Variants in APOBEC3C observed in about 807,000 individuals in gnomAD.
The protein encoded by APOBEC3C is apolipoprotein B mRNA editing enzyme catalytic subunit 3C, also known as DNA dC->dU-editing enzyme APOBEC-3C.
A neutral mutation model predicts 20.6 loss-of-function variants in APOBEC3C; 14 were observed. The observed-to-expected ratio is 0.68, with a 90% CI of 0.45 to 1.06. The LOEUF (loss-of-function observed/expected upper bound fraction) is 1.06. Ranked by LOEUF, APOBEC3C falls within the 50% of genes least tolerant of loss-of-function variation. The pLI is 0.00. For missense variants in APOBEC3C, 244 were observed against 241.9 expected, an observed-to-expected ratio of 1.01 and a Z score of -0.06; for synonymous variants, 98 against 88.8, an observed-to-expected ratio of 1.10 and a Z score of -0.58.
chr22:39,016,346 C>A (rs555112705), intron 2 of APOBEC3C, among the ~76,000 whole-genome samples: 2 of 151,164 alleles, frequency 1.3e-5, no homozygotes, highest in South Asian at 4.2e-4. Flanking sequence ...ACTACAGGCG[C>A]CCACCACCAT....
Position 39,019,926 on chromosome 22 carries a change from C to T in APOBEC3C, c.*1539C>T, listed in dbSNP as rs1329584245. On this transcript the variant is annotated 3_prime_UTR_variant, in exon 4 of 4. Transcript: ENST00000361441. ...GTTTAAGCGATTCTTCTGCTTCAGC[C>T]TCCCGAGTAAAAGGCATGCATCACC... 1.3e-5 allele frequency: 2 copies of T among 148,912 alleles called. No individual in the cohort carries two copies. The highest frequency in any genetic ancestry group is 2.9e-5 in the Non-Finnish European group (2 of 67,928). 9.2% of individuals were successfully genotyped at this position (148,912 alleles called of 1,614,324 possible). A position where few individuals can be genotyped will look rare whatever the true frequency, so the allele number is the denominator to read the frequency against.
At chr22:39,015,475 T>G in intron 1 of APOBEC3C, 120 bp from the exon 2 acceptor site, 2 of 1,156,954 alleles carry the variant, frequency 1.7e-6, no homozygotes, top group Non-Finnish European at 2.5e-6. Flanking sequence ...CTCAGGGCTG[T>G]GGAGGGATGG....
chr22:39,016,381 C>CTTTTTTTTT (rs575173801), intron 2 of APOBEC3C, among the ~76,000 whole-genome samples: 29 of 122,836 alleles, frequency 2.4e-4, no homozygotes, highest in East Asian at 4.6e-4. Context: ...TTCTTTTTTT[C>CTTTTTTTTT]TTTTTTTTTT....
At chr22:39,018,086 C>G (rs1569050415) in intron 3 of APOBEC3C, 41 bp downstream of exon 3, 8 of 1,605,266 alleles carry the variant, frequency 5.0e-6, no homozygotes, top group South Asian at 1.1e-5. Context: ...GCAGGAGGGA[C>G]AGCATGAGGG....
chr22:39,018,705 C>T lies in APOBEC3C; in HGVS notation c.*318C>T, dbSNP rs144230202. ...CTTACTAAACTCATCCTAGGCTGGG[C>T]ATGGTGACTCACGCCTGTAATCCCC... On this transcript the variant is annotated 3_prime_UTR_variant, in exon 4 of 4. Transcript: ENST00000361441. 2.8e-4 allele frequency: 54 copies of T among 194,330 alleles called. No homozygotes were observed. Among genetic ancestry groups the T allele is most frequent in the African/African-American group, 1.3e-3 (53 of 42,230 alleles). 12.0% of individuals were successfully genotyped at this position (194,330 alleles called of 1,614,324 possible).
At chr22:39,017,409 A>G (rs1383517237) in intron 2 of APOBEC3C, among the ~76,000 whole-genome samples, 1 of 152,118 alleles carries the variant, frequency 6.6e-6, no homozygotes, top group Non-Finnish European at 1.5e-5. Flanking sequence ...AGGGTGAGGC[A>G]GGAGGATCGC....
At chr22:39,016,092 G>A (rs1427546624) in intron 2 of APOBEC3C, among the ~76,000 whole-genome samples, 1 of 151,808 alleles carries the variant, frequency 6.6e-6, no homozygotes, top group East Asian at 1.9e-4. Context: ...TGGCCAGGCT[G>A]GTTTCGAACT....
At chr22:39,014,907 C>T (rs1029761131) in intron 1 of APOBEC3C, among the ~76,000 whole-genome samples, 2 of 152,136 alleles carry the variant, frequency 1.3e-5, no homozygotes, top group African/African-American at 2.4e-5. Context: ...ATGCACACGA[C>T]CCCAGACACA....
At position 39,019,338 on chromosome 22, in the gene APOBEC3C, GC is replaced by G. The variant is rs1332569597; in HGVS notation, c.*954del. 1 of 152,226 alleles carries G rather than the reference GC, an allele frequency of 6.6e-6. No homozygotes were observed. Among genetic ancestry groups the G allele is most frequent in the East Asian group, 1.9e-4 (1 of 5,200 alleles). The allele number at this position is 152,226 out of a possible 1,614,324, so 9.4% of individuals were successfully genotyped here. On this transcript the variant is annotated 3_prime_UTR_variant, in exon 4 of 4. Coordinates refer to ENST00000361441, the MANE Select transcript of APOBEC3C (RefSeq NM_014508.3). Reference sequence around the variant, plus strand: ...CTCCCAGCTCCCAGCCCTTCCTAGTGCCCATGGGCTTTACATAGGGCAAGAG... The same window carrying G: ...CTCCCAGCTCCCAGCCCTTCCTAGTGCCATGGGCTTTACATAGGGCAAGAG...
At chr22:39,014,774 T>C (rs925310804) in intron 1 of APOBEC3C, among the ~76,000 whole-genome samples, 1 of 152,178 alleles carries the variant, frequency 6.6e-6, no homozygotes, top group Non-Finnish European at 1.5e-5. Context: ...TTTGGTGCAA[T>C]TTCTGTAAGA....
intron 1 of APOBEC3C, among the ~76,000 whole-genome samples, chr22:39,015,127 G>A (rs769353499): frequency 2.3e-4 from 35 of 151,996 alleles, no homozygotes; most frequent in Non-Finnish European, 4.1e-4. Context: ...GTGAAACCTC[G>A]TCTCTACTGA....
chr22:39,018,933 AGTGAACAGAGATCGC>A lies in APOBEC3C; in HGVS notation c.*548_*562del, dbSNP rs1428852739. The A allele has an allele frequency of 2.0e-5, 3 of 152,096 alleles. No individual in the cohort carries two copies. The highest frequency in any genetic ancestry group is 2.9e-5 in the Non-Finnish European group (2 of 68,548). 9.4% of individuals were successfully genotyped at this position (152,096 alleles called of 1,614,324 possible). A position where few individuals can be genotyped will look rare whatever the true frequency, so the allele number is the denominator to read the frequency against. Reference sequence around the variant, plus strand: ...CTTGAGCCCGAGAGGTGGAGGCTGGAGTGAACAGAGATCGCGCCACTGAACTCGGGTCTGGGCAAC... The same window carrying A: ...CTTGAGCCCGAGAGGTGGAGGCTGGAGCCACTGAACTCGGGTCTGGGCAAC... On this transcript the variant is annotated 3_prime_UTR_variant, in exon 4 of 4. Coordinates refer to ENST00000361441, the MANE Select transcript of APOBEC3C (RefSeq NM_014508.3).
intron 2 of APOBEC3C, among the ~76,000 whole-genome samples, chr22:39,016,434 G>A (rs1304693706): frequency 1.4e-5 from 2 of 142,564 alleles, no homozygotes; most frequent in East Asian, 4.1e-4. Flanking sequence ...AGCCAAGATG[G>A]TCTCGATCTC....
rs550944550 is a variant in APOBEC3C, at chr22:39,020,339, C to G, written c.*1952C>G. The G allele has an allele frequency of 3.9e-5, 6 of 152,358 alleles. No homozygotes were observed. The highest frequency in any genetic ancestry group is 1.4e-4 in the African/African-American group (6 of 41,580). 9.4% of individuals were successfully genotyped at this position (152,358 alleles called of 1,614,324 possible). ...TCACCCTTAACAAGAAATAAAGTGT[C>G]CTTTGCAAATGCATCCCTTGTGTAA... is the stretch of plus-strand genomic sequence containing the variant. On this transcript the variant is annotated 3_prime_UTR_variant, in exon 4 of 4. Transcript: ENST00000361441.
chr22:39,019,007 A>G lies in APOBEC3C; in HGVS notation c.*620A>G, dbSNP rs1456626103. On this transcript the variant is annotated 3_prime_UTR_variant, in exon 4 of 4. Coordinates refer to ENST00000361441, the MANE Select transcript of APOBEC3C (RefSeq NM_014508.3). ...ACCCTGCCTGAAAATAAATCGATAA[A>G]TAAACTCAACCTAAACAGGTGTGAA... 1 of 152,158 alleles carries G rather than the reference A, an allele frequency of 6.6e-6. No homozygotes were observed. The allele number at this position is 152,158 out of a possible 1,614,324, so 9.4% of individuals were successfully genotyped here. A position where few individuals can be genotyped will look rare whatever the true frequency, so the allele number is the denominator to read the frequency against.
In APOBEC3C at chr22:39,018,485, C is replaced by A; in HGVS notation, c.*98C>A. ...TGGACCCGCTCTGTTTCTGCCTGGT[C>A]ATCCTGAGCCCCTCCTGGCCTCAGG... On this transcript the variant is annotated 3_prime_UTR_variant, in exon 4 of 4. Coordinates refer to ENST00000361441, the MANE Select transcript of APOBEC3C (RefSeq NM_014508.3). The A allele has an allele frequency of 2.1e-6, 3 of 1,413,148 alleles. No homozygotes were observed. In the South Asian group the frequency reaches 3.9e-5, roughly 19 times the overall value. The allele number at this position is 1,413,148 out of a possible 1,614,324, so 87.5% of individuals were successfully genotyped here.
intron 2 of APOBEC3C, among the ~76,000 whole-genome samples, chr22:39,016,487 G>T (rs1035624767): frequency 6.6e-6 from 1 of 151,108 alleles, no homozygotes; most frequent in African/African-American, 2.4e-5. Context: ...AAAGTGCTGG[G>T]ATTACAGGCA....
chr22:39,015,411 G>A (rs955879071), intron 1 of APOBEC3C, among the ~76,000 whole-genome samples, 184 bp from the exon 2 acceptor site: 2 of 151,936 alleles, frequency 1.3e-5, no homozygotes, highest in East Asian at 1.9e-4. Context: ...CCCTGCCAGC[G>A]TCCCCTCCTC....
rs934011949 is a variant in APOBEC3C, at chr22:39,019,525, G to C, written c.*1138G>C. ...TTAAATTTGATTTGACATTTTCAAA[G>C]CAGATGTAAGTTTTAGAGAATGAGA... On this transcript the variant is annotated 3_prime_UTR_variant, in exon 4 of 4. Transcript: ENST00000361441. 5.3e-5 allele frequency: 8 copies of C among 152,190 alleles called. No homozygotes were observed. Among genetic ancestry groups the C allele is most frequent in the African/African-American group, 1.9e-4 (8 of 41,442 alleles). 9.4% of individuals were successfully genotyped at this position (152,190 alleles called of 1,614,324 possible).
Sources: allele counts gnomAD v4.1 joint callset (sites outside exome capture counted in the v4.1 genomes callset), GRCh38; gene constraint gnomAD v4.1.1; transcripts MANE v1.5; gene names NCBI Gene and HGNC (gene_info 2026-07-23, HGNC 2026-07-21).